L3MBTL4: variants seen among roughly 807,000 people sequenced by gnomAD.
L3MBTL4 encodes the protein L3MBTL histone methyl-lysine binding protein 4, also known as lethal(3)malignant brain tumor-like protein 4.
In L3MBTL4, 70 loss-of-function variants were observed where a neutral mutation model predicts 84.5. That is an observed-to-expected ratio of 0.83 (90% CI 0.68 to 1.01). The LOEUF (loss-of-function observed/expected upper bound fraction) is 1.01. Among genes scored for constraint, L3MBTL4 ranks in the 50% least tolerant of loss-of-function variants. The probability of loss-of-function intolerance (pLI) is 0.00; values close to 1 mark genes in which losing one functional copy is unlikely to be tolerated. For missense variants in L3MBTL4, 715 were observed against 754.8 expected (o/e 0.95, Z 0.62); for synonymous variants, 274 against 259.8 (o/e 1.05, Z -0.52).
chr18:6,305,970 T>C (rs920960804), intron 3 of L3MBTL4, among the ~76,000 whole-genome samples: 1 of 152,234 alleles, frequency 6.6e-6, no homozygotes, highest in Admixed American at 6.5e-5. Flanking sequence ...CCCTTTGCTC[T>C]CCTTTGCTGT....
At chr18:6,408,289 G>A (rs2055819072) in intron 1 of L3MBTL4, among the ~76,000 whole-genome samples, 1 of 152,274 alleles carries the variant, frequency 6.6e-6, no homozygotes, top group East Asian at 1.9e-4. Context: ...GTACGTTCAT[G>A]CACAGTCCAC....
rs372184772 is a variant in L3MBTL4, at chr18:6,080,923, T to C, written c.1402A>G (p.Ile468Val). 6.0e-5 allele frequency: 97 copies of C among 1,608,132 alleles called. No individual in the cohort carries two copies. Among genetic ancestry groups the C allele is most frequent in the Admixed American group, 3.9e-4 (23 of 59,660 alleles). ...RLVQQAKCLK[I>V]KGKEDIDLDN... ...AAGTCAATATCTTCTTTTCCTTTGATTTTCAAACACTTTGCCTGCTGTACA... is the reference window on the plus strand; with the variant it reads ...AAGTCAATATCTTCTTTTCCTTTGACTTTCAAACACTTTGCCTGCTGTACA... The change falls in exon 16 of 19, where the codon ATC becomes GTC. Residue 468 changes from isoleucine to valine, a missense_variant. Coordinates refer to ENST00000317931, the MANE Select transcript of L3MBTL4 (RefSeq NM_001330559.2).
chr18:6,353,323 A>G (rs1309852422), intron 1 of L3MBTL4, among the ~76,000 whole-genome samples: 1 of 152,108 alleles, frequency 6.6e-6, no homozygotes, highest in Non-Finnish European at 1.5e-5. Flanking sequence ...TCACTTATAT[A>G]ATATTCTACT....
At chr18:6,404,032 TGA>T (rs1052671600) in intron 1 of L3MBTL4, among the ~76,000 whole-genome samples, 2 of 148,260 alleles carry the variant, frequency 1.3e-5, no homozygotes, top group Non-Finnish European at 3.0e-5. Flanking sequence ...CACTTCTAAC[TGA>T]GAGATGAGCT....
chr18:6,183,558 CTA>C (rs1329940091), intron 12 of L3MBTL4, among the ~76,000 whole-genome samples: 1 of 152,136 alleles, frequency 6.6e-6, no homozygotes, highest in African/African-American at 2.4e-5. Flanking sequence ...ACCTTGGATC[CTA>C]TAGCAAATCA....
rs542393800 is a variant in L3MBTL4 at position 6,014,587 on chromosome 18, G to C, written c.1445-45025C>G. On this transcript the variant is annotated intron_variant, in intron 16 of 18. Coordinates refer to ENST00000317931, the MANE Select transcript of L3MBTL4 (RefSeq NM_001330559.2). ...CAAAGTGAGGGGCGTGTGTGCATGT[G>C]ATCAGAAGCCAGAGGTGAGAGGAGC... is the stretch of plus-strand genomic sequence containing the variant. Among the ~76,000 whole-genome samples, 22 of 152,252 alleles carry C rather than the reference G, an allele frequency of 1.4e-4. No individual in the cohort carries two copies. The South Asian group carries it at 4.6e-3, about 32-fold the overall frequency.
chr18:6,352,495 T>C (rs2053245178), intron 1 of L3MBTL4, among the ~76,000 whole-genome samples: 2 of 152,322 alleles, frequency 1.3e-5, no homozygotes, highest in Admixed American at 6.5e-5. Context: ...ACATGCTCTA[T>C]CTTCTGATCT....
At chr18:6,317,476 C>T (rs2051166749) in intron 1 of L3MBTL4, among the ~76,000 whole-genome samples, 1 of 151,888 alleles carries the variant, frequency 6.6e-6, no homozygotes, top group Non-Finnish European at 1.5e-5. Context: ...GAAACTTTAA[C>T]AACAGACCTG....
At chr18:6,362,210 A>C (rs1021809754) in intron 1 of L3MBTL4, among the ~76,000 whole-genome samples, 1 of 64,586 alleles carries the variant, frequency 1.5e-5, no homozygotes. Context: ...GGAGGGAAGG[A>C]GGGAGGGAGG....
intron 4 of L3MBTL4, among the ~76,000 whole-genome samples, chr18:6,292,224 T>C (rs2049899249): frequency 6.6e-6 from 1 of 152,216 alleles, no homozygotes; most frequent in African/African-American, 2.4e-5. Flanking sequence ...TTTCACCAAG[T>C]TTCTCCCATG....
At chr18:6,040,347 G>T (rs1434696449) in intron 16 of L3MBTL4, among the ~76,000 whole-genome samples, 1 of 152,108 alleles carries the variant, frequency 6.6e-6, no homozygotes, top group Non-Finnish European at 1.5e-5. Context: ...GGGGTGGGAG[G>T]GTTGCCTCTG....
intron 1 of L3MBTL4, among the ~76,000 whole-genome samples, chr18:6,316,334 G>C (rs1260626680): frequency 2.0e-5 from 3 of 152,152 alleles, no homozygotes; most frequent in African/African-American, 7.2e-5. Context: ...CAACTCCTAG[G>C]GGAAGGGGAA....
intron 1 of L3MBTL4, among the ~76,000 whole-genome samples, chr18:6,343,963 A>G (rs2052742550): frequency 6.6e-6 from 1 of 151,556 alleles, no homozygotes; most frequent in Admixed American, 6.6e-5. Flanking sequence ...GATGTCAAAT[A>G]AACAGTCCAG....
intron 16 of L3MBTL4, among the ~76,000 whole-genome samples, chr18:6,003,119 TAAA>T (rs2054302117): frequency 9.9e-6 from 1 of 100,972 alleles, no homozygotes; most frequent in Non-Finnish European, 1.9e-5. Flanking sequence ...AGATACTATA[TAAA>T]ATATAGTATC....
chr18:6,074,904 C>T (rs2057806849), intron 16 of L3MBTL4, among the ~76,000 whole-genome samples: 1 of 152,166 alleles, frequency 6.6e-6, no homozygotes, highest in South Asian at 2.1e-4. Flanking sequence ...AGAAAATTCA[C>T]ATGATCATCT....
intron 17 of L3MBTL4, among the ~76,000 whole-genome samples, chr18:5,963,482 T>C (rs2052169529): frequency 6.6e-6 from 1 of 152,200 alleles, no homozygotes; most frequent in Non-Finnish European, 1.5e-5. Context: ...AAGCAGCACC[T>C]GCCACCTCCA....
intron 1 of L3MBTL4, among the ~76,000 whole-genome samples, chr18:6,375,692 T>C (rs2054336994): frequency 6.6e-6 from 1 of 152,006 alleles, no homozygotes; most frequent in Non-Finnish European, 1.5e-5. Flanking sequence ...GTAAATGAGA[T>C]GACAATGGCT....
At chr18:6,029,441 A>G (rs1445814566) in intron 16 of L3MBTL4, 1 of 963,648 alleles carries the variant, frequency 1.0e-6, no homozygotes, top group South Asian at 4.8e-5. Flanking sequence ...CATGAAAAAA[A>G]TTACAAATTA....
At chr18:6,086,536 C>T (rs1183292344) in intron 15 of L3MBTL4, among the ~76,000 whole-genome samples, 1 of 152,170 alleles carries the variant, frequency 6.6e-6, no homozygotes, top group East Asian at 1.9e-4. Flanking sequence ...AAAAGTGAGG[C>T]AGGTGGAGAC....
Sources: allele counts gnomAD v4.1 joint callset (sites outside exome capture counted in the v4.1 genomes callset), GRCh38; gene constraint gnomAD v4.1.1; transcripts MANE v1.5; gene names NCBI Gene and HGNC (gene_info 2026-07-23, HGNC 2026-07-21).